SEC14L5: variants seen among roughly 807,000 people sequenced by gnomAD.
The protein encoded by SEC14L5 is SEC14 like lipid binding 5.
A neutral mutation model predicts 84.6 loss-of-function variants in SEC14L5; 96 were observed. The ratio of observed to expected loss-of-function variants is 1.13; its 90% CI spans 0.96 to 1.34. The LOEUF is 1.34. SEC14L5 is among the 40% of genes most tolerant of loss of function. The probability of loss-of-function intolerance (pLI) is 0.00; values close to 1 mark genes in which losing one functional copy is unlikely to be tolerated. For synonymous variants in SEC14L5, 546 were observed against 383.4 expected (o/e 1.42, Z -4.95); for missense variants, 1,224 against 942.5 (o/e 1.30, Z -3.91).
chr16:5,004,724 C>A (rs141534089), intron 11 of SEC14L5, among the ~76,000 whole-genome samples: 2 of 152,184 alleles, frequency 1.3e-5, no homozygotes, highest in Non-Finnish European at 2.9e-5. Context: ...TTGTGGCATT[C>A]CCTGTAGAAC....
chr16:5,007,447 C>G lies in SEC14L5; in HGVS notation c.1533C>G (p.Thr511=). 6.2e-7 allele frequency: 1 copy of G among 1,613,888 alleles called. No individual in the cohort carries two copies. Among genetic ancestry groups the G allele is most frequent in the Non-Finnish European group, 8.5e-7 (1 of 1,179,854 alleles). Residue 511 remains threonine (T), a synonymous_variant, in exon 13 of 16, where the codon ACC becomes ACG. Transcript: ENST00000251170. ...HTDQLWQWSE[T]YHSASVLRGA... is the part of the protein sequence containing the mutation. ...ACCAGCTGTGGCAGTGGAGTGAGAC[C>G]TACCATTCAGCCAGCGTGCTCCGCG...
chr16:4,966,247 T>C (rs1955198700), intron 2 of SEC14L5, among the ~76,000 whole-genome samples: 1 of 146,860 alleles, frequency 6.8e-6, no homozygotes, highest in African/African-American at 2.5e-5. Context: ...ATTACAGGCG[T>C]GACCCACCGC....
At chr16:4,970,276 T>C (rs1955259093) in intron 2 of SEC14L5, among the ~76,000 whole-genome samples, 1 of 152,110 alleles carries the variant, frequency 6.6e-6, no homozygotes. Context: ...GGAGGGTCAT[T>C]TGAGCCAGCC....
At chr16:4,991,661 A>C (rs372915659) in intron 5 of SEC14L5, among the ~76,000 whole-genome samples, 177 bp from the exon 6 acceptor site, 12 of 152,356 alleles carry the variant, frequency 7.9e-5, no homozygotes, top group African/African-American at 2.9e-4. Context: ...CTTGGAAATT[A>C]GGTGGGTGTT....
chr16:4,959,214 G>A (rs1955088701), intron 1 of SEC14L5, 59 bp from the exon 2 acceptor site: 1 of 799,122 alleles, frequency 1.3e-6, no homozygotes, highest in Non-Finnish European at 2.2e-6. Flanking sequence ...CACTTGGTGG[G>A]TGGTGTCCCT....
At chr16:5,012,890 C>G (rs1451885048) in intron 15 of SEC14L5, among the ~76,000 whole-genome samples, 1 of 107,788 alleles carries the variant, frequency 9.3e-6, no homozygotes, top group African/African-American at 3.8e-5. Flanking sequence ...GCGAGACTGT[C>G]TCAAAAAGAA....
intron 1 of SEC14L5, 82 bp downstream of exon 1, chr16:4,958,527 T>G (rs1287537028): frequency 6.5e-6 from 1 of 152,852 alleles, no homozygotes; most frequent in Non-Finnish European, 1.5e-5. Context: ...TCCCCTAGGC[T>G]GCATTCCCAA....
chr16:4,968,835 G>A (rs12449270), intron 2 of SEC14L5, among the ~76,000 whole-genome samples: 2 of 152,112 alleles, frequency 1.3e-5, no homozygotes, highest in Non-Finnish European at 2.9e-5. Flanking sequence ...GAAGGGTTAC[G>A]GAGGTAAGGT....
intron 2 of SEC14L5, among the ~76,000 whole-genome samples, chr16:4,984,924 T>C (rs1955467385): frequency 6.6e-6 from 1 of 152,178 alleles, no homozygotes; most frequent in African/African-American, 2.4e-5. Flanking sequence ...GTTTATACAT[T>C]CTAGATGCAA....
chr16:4,969,858 C>T (rs890299083), intron 2 of SEC14L5, among the ~76,000 whole-genome samples: 6 of 150,638 alleles, frequency 4.0e-5, no homozygotes, highest in African/African-American at 1.5e-4. Context: ...CAGGTTGTCA[C>T]CCAGGCTGGG....
intron 2 of SEC14L5, among the ~76,000 whole-genome samples, chr16:4,974,502 C>T (rs1955316828): frequency 6.6e-6 from 1 of 151,798 alleles, no homozygotes; most frequent in South Asian, 2.1e-4. Context: ...CGTGCCTGGC[C>T]TGACCTGCAT....
rs762813191 is a variant in SEC14L5 at position 4,996,921 on chromosome 16, G to A, written c.847G>A (p.Glu283Lys). 10 of 1,613,640 alleles carry A rather than the reference G, an allele frequency of 6.2e-6. No homozygotes were observed. The African/African-American group carries it at 1.2e-4, about 19-fold the overall frequency. The change falls in exon 8 of 16, where the codon GAA (glutamate) becomes AAA (lysine). Residue 283 changes from glutamate (E) to lysine (K), a missense_variant. Transcript: ENST00000251170. ...AHDFHLDKAR[E>K]MLRQSLSWRK... ...TGACTTCCACCTGGACAAGGCCCGGGAAATGCTGCGCCAGTCCTTGAGCTG... is the reference window on the plus strand; with the variant it reads ...TGACTTCCACCTGGACAAGGCCCGGAAAATGCTGCGCCAGTCCTTGAGCTG...
At chr16:5,009,561 C>T (rs978641929) in intron 14 of SEC14L5, among the ~76,000 whole-genome samples, 4 of 152,072 alleles carry the variant, frequency 2.6e-5, no homozygotes, top group South Asian at 2.1e-4. Context: ...TGAGCTCAAG[C>T]GATCCTCCTG....
intron 15 of SEC14L5, among the ~76,000 whole-genome samples, chr16:5,012,158 G>A (rs944962167): frequency 8.5e-5 from 13 of 152,196 alleles, no homozygotes; most frequent in African/African-American, 3.1e-4. Flanking sequence ...GGGTCCCATA[G>A]TTTGTCAGGG....
intron 11 of SEC14L5, among the ~76,000 whole-genome samples, chr16:5,004,433 A>G (rs992037394): frequency 3.9e-5 from 6 of 152,114 alleles, no homozygotes; most frequent in Non-Finnish European, 5.9e-5. Flanking sequence ...CCTCACCCAG[A>G]TGGTTCAAAT....
intron 2 of SEC14L5, among the ~76,000 whole-genome samples, chr16:4,970,370 G>A (rs1302585924): frequency 6.6e-6 from 1 of 152,160 alleles, no homozygotes; most frequent in Non-Finnish European, 1.5e-5. Context: ...CAATGGGGCA[G>A]AACTTGTCTC....
chr16:4,963,784 C>G (rs1300981866), intron 2 of SEC14L5, among the ~76,000 whole-genome samples: 1 of 152,176 alleles, frequency 6.6e-6, no homozygotes, highest in Non-Finnish European at 1.5e-5. Flanking sequence ...CTCCAGAGTA[C>G]AGCCTTAGCT....
In SEC14L5 at chr16:5,009,467, G is replaced by A. The variant is rs138647960; in HGVS notation, c.1800+819G>A. On this transcript the variant is annotated intron_variant, in intron 14 of 15. Coordinates refer to ENST00000251170, the MANE Select transcript of SEC14L5 (RefSeq NM_014692.2). Reference sequence around the variant, plus strand: ...GCCTTCTGAGTAGCTGGGACTACAGGTTCCCGCCACCATGTCCAACTAACT... The same window carrying A: ...GCCTTCTGAGTAGCTGGGACTACAGATTCCCGCCACCATGTCCAACTAACT... 4.4e-3 allele frequency among the ~76,000 whole-genome samples: 671 copies of A among 152,116 alleles called. 5 individuals are homozygous for A. Among genetic ancestry groups the A allele is most frequent in the African/African-American group, 0.016 (643 of 41,482 alleles).
chr16:4,997,184 C>A, intron 8 of SEC14L5, 140 bp downstream of exon 8: 2 of 566,956 alleles, frequency 3.5e-6, no homozygotes, highest in Non-Finnish European at 5.7e-6. Flanking sequence ...CCATAATCTC[C>A]GCTTCCCGGG....
Sources: gnomAD v4.1 joint callset for allele counts (sites outside exome capture counted in the v4.1 genomes callset) on GRCh38, gnomAD v4.1.1 for gene constraint, MANE v1.5 for transcripts, NCBI Gene and HGNC (gene_info 2026-07-23, HGNC 2026-07-21) for gene names.